PLPPR1: variants seen among roughly 807,000 people sequenced by gnomAD.
The protein encoded by PLPPR1 is phospholipid phosphatase-related protein type 1.
Under a neutral mutation model 33.1 loss-of-function variants are expected in PLPPR1, and 10 were observed. That is an observed-to-expected ratio of 0.30 (90% CI 0.19 to 0.51). The LOEUF is 0.51. PLPPR1 is among the 20% of genes least tolerant of loss of function. PLPPR1 has a pLI of 0.97. For missense variants in PLPPR1, 304 were observed against 408.1 expected, an observed-to-expected ratio of 0.74 and a Z score of 2.20; for synonymous variants, 151 against 151.0, an observed-to-expected ratio of 1.00 and a Z score of 0.00.
At chr9:101,301,074 T>C (rs577500047) in intron 4 of PLPPR1, among the ~76,000 whole-genome samples, 5 of 152,366 alleles carry the variant, frequency 3.3e-5, no homozygotes, top group Non-Finnish European at 7.3e-5. Context: ...TTCTTTTGTT[T>C]ATAAAAATAT....
chr9:101,321,962 A>T (rs117514613), intron 7 of PLPPR1, among the ~76,000 whole-genome samples: 3,213 of 148,506 alleles, frequency 0.022, 51 homozygotes, highest in Non-Finnish European at 0.035. Flanking sequence ...TACATATTTA[A>T]TATATATTTT....
chr9:101,091,131 A>G (rs1232394267), intron 1 of PLPPR1, among the ~76,000 whole-genome samples: 1 of 151,994 alleles, frequency 6.6e-6, no homozygotes, highest in Non-Finnish European at 1.5e-5. Context: ...TCCAAATTCA[A>G]TGTGTTTAGA....
At chr9:101,258,086 C>G (rs1441350892) in intron 2 of PLPPR1, among the ~76,000 whole-genome samples, 1 of 152,174 alleles carries the variant, frequency 6.6e-6, no homozygotes, top group Non-Finnish European at 1.5e-5. Flanking sequence ...CAGTTCAGTA[C>G]TCATTTTTGT....
chr9:101,269,156 T>G (rs1162019773), intron 2 of PLPPR1, among the ~76,000 whole-genome samples: 3 of 152,106 alleles, frequency 2.0e-5, no homozygotes, highest in Non-Finnish European at 4.4e-5. Flanking sequence ...GGTGAGTATC[T>G]AGGACATCTG....
At chr9:101,281,539 T>G (rs186820029) in intron 3 of PLPPR1, among the ~76,000 whole-genome samples, 80 of 152,182 alleles carry the variant, frequency 5.3e-4, no homozygotes, top group African/African-American at 1.9e-3. Context: ...CAATACAGCA[T>G]GGTGCTGCCA....
intron 1 of PLPPR1, among the ~76,000 whole-genome samples, chr9:101,131,350 AG>A (rs1831311899): frequency 6.6e-6 from 1 of 152,200 alleles, no homozygotes; most frequent in Non-Finnish European, 1.5e-5. Context: ...TAGCTAAAGC[AG>A]TATTTTTGTT....
At chr9:101,039,799 G>A (rs192189102) in intron 1 of PLPPR1, among the ~76,000 whole-genome samples, 11 of 152,022 alleles carry the variant, frequency 7.2e-5, no homozygotes, top group Middle Eastern at 6.8e-3. Flanking sequence ...GAACAGCACA[G>A]GAAAAATCCA....
chr9:101,267,340 CAT>C (rs1286530258), intron 2 of PLPPR1, among the ~76,000 whole-genome samples: 3 of 152,190 alleles, frequency 2.0e-5, no homozygotes, highest in Admixed American at 2.0e-4. Context: ...TTTCAGGAAA[CAT>C]ATTTATCCAA....
At chr9:101,307,822 G>A (rs565609597) in intron 4 of PLPPR1, among the ~76,000 whole-genome samples, 16 of 152,294 alleles carry the variant, frequency 1.1e-4, no homozygotes, top group African/African-American at 3.4e-4. Context: ...ACATTTACAA[G>A]GGTTAATGCT....
At chr9:101,110,017 C>G (rs771428201) in intron 1 of PLPPR1, among the ~76,000 whole-genome samples, 2 of 152,110 alleles carry the variant, frequency 1.3e-5, no homozygotes, top group Non-Finnish European at 2.9e-5. Context: ...AACAGTTAGT[C>G]ATTTTCAACA....
At chr9:101,278,458 C>T (rs1828236946) in intron 3 of PLPPR1, among the ~76,000 whole-genome samples, 1 of 152,126 alleles carries the variant, frequency 6.6e-6, no homozygotes, top group Non-Finnish European at 1.5e-5. Context: ...ATCAGAGTAA[C>T]TGGTTGGAAC....
At chr9:101,124,518 A>G (rs897537359) in intron 1 of PLPPR1, among the ~76,000 whole-genome samples, 11 of 152,220 alleles carry the variant, frequency 7.2e-5, no homozygotes, top group African/African-American at 2.7e-4. Flanking sequence ...CTGCAAAAAC[A>G]CAAGCATACC....
intron 1 of PLPPR1, among the ~76,000 whole-genome samples, chr9:101,182,790 A>G (rs1174279437): frequency 3.3e-5 from 5 of 151,866 alleles, no homozygotes; most frequent in African/African-American, 1.2e-4. Flanking sequence ...AAAAACCTTT[A>G]CACCTTGAAA....
chr9:101,248,973 C>T (rs1034451150), intron 2 of PLPPR1, among the ~76,000 whole-genome samples: 1 of 152,064 alleles, frequency 6.6e-6, no homozygotes, highest in Non-Finnish European at 1.5e-5. Context: ...CTGGGAACAA[C>T]TTAATCTAAG....
At chr9:101,252,953 C>T (rs1827738043) in intron 2 of PLPPR1, among the ~76,000 whole-genome samples, 1 of 151,500 alleles carries the variant, frequency 6.6e-6, no homozygotes, top group Non-Finnish European at 1.5e-5. Context: ...TACCTAAGTC[C>T]CTAATTTAAA....
intron 1 of PLPPR1, among the ~76,000 whole-genome samples, chr9:101,149,529 G>A (rs1292648609): frequency 2.0e-5 from 3 of 152,146 alleles, no homozygotes; most frequent in Non-Finnish European, 4.4e-5. Flanking sequence ...TTACACTAGA[G>A]GTGGCTAGAC....
At chr9:101,109,115 C>A (rs369723237) in intron 1 of PLPPR1, among the ~76,000 whole-genome samples, 201 of 149,278 alleles carry the variant, frequency 1.3e-3, no homozygotes, top group African/African-American at 4.8e-3. Flanking sequence ...CCCGCCACCA[C>A]GCCTGGCTAA....
intron 1 of PLPPR1, among the ~76,000 whole-genome samples, chr9:101,031,869 G>A (rs1829949483): frequency 6.6e-6 from 1 of 152,128 alleles, no homozygotes; most frequent in Non-Finnish European, 1.5e-5. Flanking sequence ...AGCCATTGAG[G>A]GTGAACAGCA....
At chr9:101,143,014 T>C (rs997979978) in intron 1 of PLPPR1, among the ~76,000 whole-genome samples, 4 of 152,088 alleles carry the variant, frequency 2.6e-5, no homozygotes, top group African/African-American at 9.7e-5. Flanking sequence ...TTTTTTTTTC[T>C]CTTGTAACAT....
Sources: gnomAD v4.1 joint callset for allele counts (sites outside exome capture counted in the v4.1 genomes callset) on GRCh38, gnomAD v4.1.1 for gene constraint, MANE v1.5 for transcripts, NCBI Gene and HGNC (gene_info 2026-07-23, HGNC 2026-07-21) for gene names.